Variants in HS2ST1 observed in about 807,000 individuals in gnomAD.
HS2ST1 encodes the protein 2-O-sulfotransferase.
Under a neutral mutation model 42.9 loss-of-function variants are expected in HS2ST1, and 18 were observed. The ratio of observed to expected loss-of-function variants is 0.42; its 90% CI spans 0.29 to 0.62. The LOEUF is 0.62. Among genes scored for constraint, HS2ST1 ranks in the 20% least tolerant of loss-of-function variants. The pLI is 0.21. For missense variants in HS2ST1, 334 were observed against 433.8 expected (o/e 0.77, Z 2.04); for synonymous variants, 146 against 152.9 (o/e 0.95, Z 0.33).
At chr1:87,069,708 G>C (rs1651351480) in intron 1 of HS2ST1, among the ~76,000 whole-genome samples, 1 of 152,066 alleles carries the variant, frequency 6.6e-6, no homozygotes, top group Non-Finnish European at 1.5e-5. Context: ...TTGAAAAATA[G>C]AAAATGCATG....
chr1:86,947,803 A>G (rs1647384650), intron 1 of HS2ST1, among the ~76,000 whole-genome samples: 2 of 152,146 alleles, frequency 1.3e-5, no homozygotes, highest in Admixed American at 6.5e-5. Flanking sequence ...AGGAGACACA[A>G]GGTAGGCTAA....
chr1:87,001,253 CTTT>C (rs371276371), intron 1 of HS2ST1, among the ~76,000 whole-genome samples: 3,598 of 152,260 alleles, frequency 0.024, 65 homozygotes, highest in Middle Eastern at 0.044. Flanking sequence ...CATTGCTTAT[CTTT>C]TTGAACCAAG....
At chr1:86,977,878 A>G (rs1289124034) in intron 1 of HS2ST1, among the ~76,000 whole-genome samples, 1 of 152,226 alleles carries the variant, frequency 6.6e-6, no homozygotes, top group Non-Finnish European at 1.5e-5. Flanking sequence ...AGTTTGGGTC[A>G]TTGATTTTGT....
chr1:87,060,838 T>C (rs1461116235), intron 1 of HS2ST1, among the ~76,000 whole-genome samples: 1 of 152,106 alleles, frequency 6.6e-6, no homozygotes, highest in African/African-American at 2.4e-5. Context: ...GTAGTAACCT[T>C]AGCAATAACA....
At chr1:87,103,281 G>A (rs1652258040) in intron 5 of HS2ST1, 151 bp from the exon 6 acceptor site, 1 of 582,592 alleles carries the variant, frequency 1.7e-6, no homozygotes, top group Non-Finnish European at 2.8e-6. Context: ...TTGGAAACAG[G>A]TGTGCCTCCC....
At chr1:87,050,388 T>G (rs2100613526) in intron 1 of HS2ST1, among the ~76,000 whole-genome samples, 1 of 152,142 alleles carries the variant, frequency 6.6e-6, no homozygotes, top group Middle Eastern at 3.4e-3. Context: ...TATTTAGACT[T>G]ATTATTTCTA....
chr1:87,058,138 G>A (rs1384883201), intron 1 of HS2ST1, among the ~76,000 whole-genome samples: 1 of 151,632 alleles, frequency 6.6e-6, no homozygotes, highest in Non-Finnish European at 1.5e-5. Context: ...ATGCAATCCA[G>A]AGGTCCCCTG....
intron 1 of HS2ST1, among the ~76,000 whole-genome samples, chr1:87,005,185 T>C (rs1009172231): frequency 4.5e-4 from 68 of 152,340 alleles, no homozygotes; most frequent in African/African-American, 1.3e-3. Context: ...CTTATCATAG[T>C]GTGAATACCC....
intron 1 of HS2ST1, among the ~76,000 whole-genome samples, chr1:87,043,535 A>AG (rs1557525676): frequency 1.3e-5 from 2 of 152,094 alleles, no homozygotes; most frequent in Admixed American, 6.5e-5. Flanking sequence ...CAACTGCTGG[A>AG]GGTATCTTGT....
At chr1:87,000,874 C>T (rs1184655485) in intron 1 of HS2ST1, among the ~76,000 whole-genome samples, 1 of 152,154 alleles carries the variant, frequency 6.6e-6, no homozygotes, top group Non-Finnish European at 1.5e-5. Context: ...CCCTCAGTTT[C>T]TGTTGAGGAG....
chr1:87,068,272 G>C (rs1161256749), intron 1 of HS2ST1, among the ~76,000 whole-genome samples: 3 of 152,062 alleles, frequency 2.0e-5, no homozygotes, highest in African/African-American at 7.2e-5. Context: ...CCTTGACGAG[G>C]TCCTTCACAT....
intron 1 of HS2ST1, among the ~76,000 whole-genome samples, chr1:86,968,610 G>T (rs1192867175): frequency 1.3e-5 from 2 of 151,692 alleles, no homozygotes; most frequent in Non-Finnish European, 1.5e-5. Context: ...TCACTATATT[G>T]CCCAGGCTGG....
intron 1 of HS2ST1, among the ~76,000 whole-genome samples, chr1:87,003,708 A>G (rs926175926): frequency 1.4e-4 from 9 of 65,546 alleles, no homozygotes; most frequent in African/African-American, 3.4e-4. Context: ...AGATGTACAG[A>G]CTTTTTTTTT....
chr1:87,100,174 G>A (rs1652166334), intron 5 of HS2ST1, among the ~76,000 whole-genome samples: 1 of 152,202 alleles, frequency 6.6e-6, no homozygotes, highest in Non-Finnish European at 1.5e-5. Context: ...TGTGTGGGGT[G>A]AGGGCTGCAG....
chr1:87,069,429 G>T (rs1016870854), intron 1 of HS2ST1, among the ~76,000 whole-genome samples: 1 of 152,000 alleles, frequency 6.6e-6, no homozygotes, highest in Admixed American at 6.5e-5. Context: ...GAGCATCTTT[G>T]CTAAAAAAAA....
At chr1:87,015,807 T>G (rs1367519771) in intron 1 of HS2ST1, among the ~76,000 whole-genome samples, 2 of 151,980 alleles carry the variant, frequency 1.3e-5, no homozygotes, top group Non-Finnish European at 1.5e-5. Context: ...GTAGCTCTTT[T>G]TCTTTCTTTT....
chr1:87,015,871 CAGTGGTG>C (rs1649741355), intron 1 of HS2ST1, among the ~76,000 whole-genome samples: 2 of 151,720 alleles, frequency 1.3e-5, no homozygotes, highest in African/African-American at 4.8e-5. Flanking sequence ...GGCTAGAGTA[CAGTGGTG>C]CCATCTAGGC....
intron 1 of HS2ST1, among the ~76,000 whole-genome samples, chr1:87,047,014 T>A (rs1317110350): frequency 6.6e-6 from 1 of 151,812 alleles, no homozygotes; most frequent in African/African-American, 2.4e-5. Context: ...AGCCTATATG[T>A]TTAACTTTTT....
chr1:87,075,902 G>A (rs548721816), intron 2 of HS2ST1, among the ~76,000 whole-genome samples: 2 of 152,114 alleles, frequency 1.3e-5, no homozygotes, highest in East Asian at 3.9e-4. Flanking sequence ...TATTTGTTGT[G>A]TATGTAATAT....
Sources: allele counts gnomAD v4.1 joint callset (sites outside exome capture counted in the v4.1 genomes callset), GRCh38; gene constraint gnomAD v4.1.1; transcripts MANE v1.5; gene names NCBI Gene and HGNC (gene_info 2026-07-23, HGNC 2026-07-21).